LUZP2: variants seen among roughly 807,000 people sequenced by gnomAD.
LUZP2 encodes the protein leucine zipper protein 2.
In LUZP2, 52 loss-of-function variants were observed where a neutral mutation model predicts 51.6. The observed-to-expected ratio is 1.01, with a 90% confidence interval of 0.81 to 1.27. The LOEUF (loss-of-function observed/expected upper bound fraction) is 1.27, where lower values mean the gene tolerates loss of function less well. LUZP2 is among the 50% of genes most tolerant of loss of function. The pLI is 0.00. For synonymous variants in LUZP2, 154 were observed against 137.3 expected (o/e 1.12, Z -0.85); for missense variants, 436 against 395.4 (o/e 1.10, Z -0.87).
chr11:24,746,076 T>C (rs796140065), intron 4 of LUZP2, among the ~76,000 whole-genome samples: 2 of 152,222 alleles, frequency 1.3e-5, no homozygotes, highest in Non-Finnish European at 2.9e-5. Flanking sequence ...ATTTCAATCG[T>C]TGTGCTGTTA....
intron 4 of LUZP2, among the ~76,000 whole-genome samples, chr11:24,760,511 C>G (rs1303323417): frequency 6.6e-6 from 1 of 152,098 alleles, no homozygotes; most frequent in Non-Finnish European, 1.5e-5. Context: ...TTCAAGATTA[C>G]TTTGAAAATT....
intron 10 of LUZP2, among the ~76,000 whole-genome samples, chr11:25,076,474 A>T (rs1281780507): frequency 1.3e-5 from 2 of 152,108 alleles, no homozygotes; most frequent in Non-Finnish European, 2.9e-5. Context: ...AAAACTATGT[A>T]TATGATAAAG....
At chr11:24,838,886 C>T (rs1208948042) in intron 5 of LUZP2, among the ~76,000 whole-genome samples, 1 of 151,548 alleles carries the variant, frequency 6.6e-6, no homozygotes, top group Non-Finnish European at 1.5e-5. Context: ...TTAATTCAGG[C>T]ATTTTGAATT....
intron 1 of LUZP2, among the ~76,000 whole-genome samples, chr11:24,552,086 C>T (rs575930660): frequency 1.3e-5 from 2 of 152,042 alleles, no homozygotes; most frequent in South Asian, 4.1e-4. Flanking sequence ...ATTTATAAGG[C>T]TAGTGTGATA....
At chr11:25,055,682 C>T (rs1468421259) in intron 10 of LUZP2, among the ~76,000 whole-genome samples, 1 of 152,106 alleles carries the variant, frequency 6.6e-6, no homozygotes, top group Non-Finnish European at 1.5e-5. Flanking sequence ...AATTCTGCCT[C>T]ATTTTAGAAA....
At chr11:24,942,697 G>T (rs1297593715) in intron 7 of LUZP2, among the ~76,000 whole-genome samples, 1 of 151,658 alleles carries the variant, frequency 6.6e-6, no homozygotes, top group East Asian at 1.9e-4. Context: ...CTTAAACGTA[G>T]CTTTCAAAGG....
chr11:24,561,840 A>AATAAT (rs1852051699), intron 1 of LUZP2, among the ~76,000 whole-genome samples: 2 of 151,748 alleles, frequency 1.3e-5, no homozygotes, highest in African/African-American at 4.8e-5. Context: ...TGATAATAAT[A>AATAAT]AAGAATTATG....
chr11:25,031,497 C>T (rs779404441), intron 9 of LUZP2, among the ~76,000 whole-genome samples: 1 of 152,010 alleles, frequency 6.6e-6, no homozygotes, highest in Non-Finnish European at 1.5e-5. Context: ...TTTCTCATTC[C>T]AAATAGCTTA....
At chr11:24,690,616 A>G (rs760056117) in intron 1 of LUZP2, among the ~76,000 whole-genome samples, 10 of 152,182 alleles carry the variant, frequency 6.6e-5, no homozygotes, top group Non-Finnish European at 1.3e-4. Context: ...TATTTTTGTA[A>G]TAGAATTTTG....
At chr11:25,044,696 C>A (rs190122422) in intron 9 of LUZP2, among the ~76,000 whole-genome samples, 1 of 138,780 alleles carries the variant, frequency 7.2e-6, no homozygotes, top group Admixed American at 7.3e-5. Context: ...TTGACCCAGC[C>A]ATCCCATTAC....
chr11:24,743,013 G>C (rs969637694), intron 4 of LUZP2, among the ~76,000 whole-genome samples: 1 of 151,826 alleles, frequency 6.6e-6, no homozygotes, highest in Non-Finnish European at 1.5e-5. Flanking sequence ...TAAGTATTAG[G>C]GTTTATTTCT....
At chr11:25,073,843 GA>G (rs1219239723) in intron 10 of LUZP2, among the ~76,000 whole-genome samples, 1 of 151,750 alleles carries the variant, frequency 6.6e-6, no homozygotes, top group Non-Finnish European at 1.5e-5. Flanking sequence ...GGAGGAGAAA[GA>G]AAAAAAGGAA....
chr11:24,773,660 T>C (rs1210210612), intron 5 of LUZP2, among the ~76,000 whole-genome samples: 1 of 152,186 alleles, frequency 6.6e-6, no homozygotes, highest in African/African-American at 2.4e-5. Context: ...GGAGGTCCCT[T>C]AGGGTGCACA....
At chr11:25,069,584 T>C (rs189817093) in intron 10 of LUZP2, among the ~76,000 whole-genome samples, 6 of 151,870 alleles carry the variant, frequency 4.0e-5, no homozygotes, top group Non-Finnish European at 8.8e-5. Context: ...TGTGGGTGTA[T>C]AAACTAATAT....
chr11:24,812,519 G>A (rs1590574006), intron 5 of LUZP2, among the ~76,000 whole-genome samples: 1 of 152,086 alleles, frequency 6.6e-6, no homozygotes, highest in Non-Finnish European at 1.5e-5. Context: ...GATTCCAGAA[G>A]AGCCACTTAA....
At position 25,038,459 on chromosome 11, in the gene LUZP2, T is replaced by C. The variant is rs552451667; in HGVS notation, c.766-11579T>C. On this transcript the variant is annotated intron_variant, in intron 9 of 11. Coordinates refer to ENST00000336930, the MANE Select transcript of LUZP2 (RefSeq NM_001009909.4). ...AGGATGAAAGAGTCAAAATCACACA[T>C]ATCACAAAATTGCACAATTTTCTTT... is the stretch of plus-strand genomic sequence containing the variant. Among the ~76,000 whole-genome samples the C allele has an allele frequency of 9.2e-5, 14 of 152,334 alleles. No individual in the cohort carries two copies. In the East Asian group the frequency reaches 2.5e-3, roughly 27 times the overall value.
chr11:24,591,332 A>C (rs1853253458), intron 1 of LUZP2, among the ~76,000 whole-genome samples: 1 of 152,178 alleles, frequency 6.6e-6, no homozygotes, highest in Admixed American at 6.6e-5. Context: ...GGTCCACCCA[A>C]GACCAAAGCT....
chr11:24,786,519 AT>A, intron 5 of LUZP2: 6 of 865,660 alleles, frequency 6.9e-6, no homozygotes, highest in Non-Finnish European at 8.3e-6. Flanking sequence ...ATATGTGTAT[AT>A]TTGTATATAC....
At chr11:24,714,364 A>G (rs1252927387) in intron 1 of LUZP2, among the ~76,000 whole-genome samples, 9 of 152,206 alleles carry the variant, frequency 5.9e-5, no homozygotes, top group Admixed American at 2.6e-4. Context: ...TTGAAGAAAT[A>G]TATAATTTTT....
Sources: gnomAD v4.1 joint callset for allele counts (sites outside exome capture counted in the v4.1 genomes callset) on GRCh38, gnomAD v4.1.1 for gene constraint, MANE v1.5 for transcripts, NCBI Gene and HGNC (gene_info 2026-07-23, HGNC 2026-07-21) for gene names.